The following SRFBP1 variants were observed in gnomAD, a reference collection of about 807,000 sequenced individuals.
SRFBP1 encodes serum response factor-binding protein 1.
Under a neutral mutation model 45.5 loss-of-function variants are expected in SRFBP1, and 47 were observed. That is an observed-to-expected ratio of 1.03 (90% CI 0.82 to 1.32). The LOEUF is 1.32. Ranked by LOEUF, SRFBP1 falls within the 40% of genes most tolerant of loss-of-function variation. The pLI is 0.00. For synonymous variants in SRFBP1, 203 were observed against 166.3 expected, an observed-to-expected ratio of 1.22 and a Z score of -1.70; for missense variants, 621 against 484.6, an observed-to-expected ratio of 1.28 and a Z score of -2.64.
chr5:121,991,611 T>C (rs1411892332), intron 3 of SRFBP1, among the ~76,000 whole-genome samples: 1 of 152,198 alleles, frequency 6.6e-6, no homozygotes, highest in Non-Finnish European at 1.5e-5. Flanking sequence ...TGATTTCTTC[T>C]GAATAAGAAG....
At chr5:122,031,577 AC>A (rs1261497215), downstream of SRFBP1, among the ~76,000 whole-genome samples, 2 of 152,224 alleles carry the variant, frequency 1.3e-5, no homozygotes, top group Non-Finnish European at 2.9e-5. Context: ...ATTCTCAGAG[AC>A]CTGTGGGACA....
chr5:121,985,492 TG>T (rs1439188365), intron 3 of SRFBP1, among the ~76,000 whole-genome samples: 1 of 151,878 alleles, frequency 6.6e-6, no homozygotes, highest in Non-Finnish European at 1.5e-5. Flanking sequence ...TTAACTGGTG[TG>T]TTTTTTTAAT....
At chr5:121,972,290 G>A (rs1486684032) in intron 1 of SRFBP1, among the ~76,000 whole-genome samples, 6 of 151,914 alleles carry the variant, frequency 3.9e-5, no homozygotes, top group Admixed American at 3.3e-4. Context: ...GGTCATGGAA[G>A]TACATTTGCA....
chr5:122,018,820 C>A (rs1753238257), intron 4 of SRFBP1, among the ~76,000 whole-genome samples: 1 of 152,148 alleles, frequency 6.6e-6, no homozygotes, highest in Admixed American at 6.5e-5. Flanking sequence ...TAGATAATTT[C>A]TAGGTCTCTG....
chr5:121,975,026 T>C (rs1190181137), intron 2 of SRFBP1, among the ~76,000 whole-genome samples: 2 of 151,936 alleles, frequency 1.3e-5, no homozygotes, highest in Non-Finnish European at 2.9e-5. Context: ...GATTGATTGA[T>C]TTAAAAAAGT....
intron 4 of SRFBP1, among the ~76,000 whole-genome samples, chr5:122,012,094 T>G (rs1753107735): frequency 6.6e-6 from 1 of 152,142 alleles, no homozygotes. Context: ...AAACAGATTT[T>G]GAGTTCTAGC....
chr5:121,963,315 C>T (rs1381285118), intron 1 of SRFBP1, among the ~76,000 whole-genome samples: 1 of 152,134 alleles, frequency 6.6e-6, no homozygotes, highest in Non-Finnish European at 1.5e-5. Context: ...AAGAGGGAAG[C>T]TGAAAGTAGT....
intron 6 of SRFBP1, 111 bp downstream of exon 6, chr5:122,020,913 C>G (rs1753303175): frequency 2.0e-6 from 2 of 1,023,246 alleles, no homozygotes; most frequent in African/African-American, 3.3e-5. Context: ...ACAACCCATC[C>G]TGTTTTTAGA....
chr5:121,995,695 A>C (rs1339985443), intron 4 of SRFBP1, among the ~76,000 whole-genome samples: 4 of 152,136 alleles, frequency 2.6e-5, no homozygotes, highest in African/African-American at 4.8e-5. Flanking sequence ...AGACACAAAA[A>C]ACCCTTCAAA....
intron 3 of SRFBP1, among the ~76,000 whole-genome samples, chr5:121,990,883 T>C (rs1009630993): frequency 6.6e-6 from 1 of 152,176 alleles, no homozygotes; most frequent in African/African-American, 2.4e-5. Context: ...GGTTAGAATA[T>C]ATGTACACTT....
intron 3 of SRFBP1, 56 bp from the exon 4 acceptor site, chr5:121,994,543 T>C (rs1034619367): frequency 1.1e-5 from 13 of 1,164,590 alleles, no homozygotes; most frequent in Non-Finnish European, 1.3e-5. Context: ...AGGAACTTAA[T>C]AATAGTGATA....
rs1231676632 is a variant in SRFBP1, at chr5:122,047,038, C to T, written n.311+24631C>T. On this transcript the variant is annotated intron_variant and non_coding_transcript_variant, in intron 2 of 2. Transcript: ENST00000504881. ...GGTAGTTTCTTTTGCTGTGCAGAAG[C>T]TCTTTAGTTTAATTAGATCCCATTT... Among the ~76,000 whole-genome samples the T allele has an allele frequency of 2.0e-5, 3 of 152,178 alleles. No individual in the cohort carries two copies. The South Asian group carries it at 6.2e-4, about 31-fold the overall frequency.
In SRFBP1 at chr5:122,072,895, T is replaced by C. The variant is rs1463317055; in HGVS notation, n.312-2420T>C. The stretch of plus-strand genomic sequence containing the variant: ...TTTTGTAAATGGGGCAAATAAACTC[T>C]AGGTCCCTTGCACAGGACTTGCAGA... On this transcript the variant is annotated intron_variant and non_coding_transcript_variant, in intron 2 of 2. Transcript: ENST00000504881. 2.6e-5 allele frequency among the ~76,000 whole-genome samples: 4 copies of C among 152,212 alleles called. No individual in the cohort carries two copies. In the South Asian group the frequency reaches 6.2e-4, roughly 24 times the overall value.
At chr5:122,051,027 G>A (rs1035744723) in intron 2 of SRFBP1, among the ~76,000 whole-genome samples, 1 of 152,148 alleles carries the variant, frequency 6.6e-6, no homozygotes, top group Non-Finnish European at 1.5e-5. Flanking sequence ...TTATTCAGGA[G>A]CAGGTTATTT....
chr5:122,008,508 G>A (rs951366974), intron 4 of SRFBP1, among the ~76,000 whole-genome samples: 1 of 152,192 alleles, frequency 6.6e-6, no homozygotes, highest in South Asian at 2.1e-4. Flanking sequence ...ACTGCCTGGG[G>A]TTGGGGAAGG....
intron 2 of SRFBP1, 21 bp downstream of exon 2, chr5:121,974,305 A>G: frequency 1.3e-6 from 2 of 1,534,224 alleles, no homozygotes; most frequent in Non-Finnish European, 9.0e-7. Flanking sequence ...TAAAGTAATG[A>G]TCTTGTGACT....
intron 3 of SRFBP1, among the ~76,000 whole-genome samples, chr5:121,989,154 C>A (rs573692002): frequency 6.6e-5 from 10 of 152,190 alleles, no homozygotes; most frequent in African/African-American, 2.4e-4. Context: ...ACCTCCACCT[C>A]CCAGGTTCAA....
At chr5:121,976,619 C>G (rs1328752364) in intron 3 of SRFBP1, among the ~76,000 whole-genome samples, 2 of 151,320 alleles carry the variant, frequency 1.3e-5, no homozygotes, top group Non-Finnish European at 3.0e-5. Flanking sequence ...TAAATTTTTC[C>G]CTGTAATTTC....
intron 7 of SRFBP1, among the ~76,000 whole-genome samples, chr5:122,025,642 C>T (rs1020660202): frequency 1.2e-4 from 19 of 152,182 alleles, no homozygotes; most frequent in African/African-American, 4.3e-4. Flanking sequence ...TTCATCTCTA[C>T]AGCCACTCTT....
Sources: allele counts gnomAD v4.1 joint callset (sites outside exome capture counted in the v4.1 genomes callset), GRCh38; gene constraint gnomAD v4.1.1; transcripts MANE v1.5; gene names NCBI Gene and HGNC (gene_info 2026-07-23, HGNC 2026-07-21).